The following CNBD1 variants were observed in gnomAD, a reference collection of about 807,000 sequenced individuals.
CNBD1 encodes cyclic nucleotide-binding domain-containing protein 1.
A neutral mutation model predicts 54.4 loss-of-function variants in CNBD1; 71 were observed. The observed-to-expected ratio is 1.30, with a 90% CI of 1.08 to 1.59. CNBD1 has a LOEUF of 1.59. Ranked by LOEUF, CNBD1 falls within the 40% of genes most tolerant of loss-of-function variation. The pLI, the probability that CNBD1 is intolerant of heterozygous loss-of-function variation, is 0.00. For synonymous variants in CNBD1, 182 were observed against 170.7 expected (o/e 1.07, Z -0.51); for missense variants, 659 against 518.0 (o/e 1.27, Z -2.64).
At chr8:86,946,102 C>T (rs1807460114) in intron 4 of CNBD1, among the ~76,000 whole-genome samples, 1 of 152,170 alleles carries the variant, frequency 6.6e-6, no homozygotes, top group Non-Finnish European at 1.5e-5. Flanking sequence ...TCAATCTCCC[C>T]TCTCCCAAAG....
chr8:86,955,597 T>G (rs1284159347), intron 4 of CNBD1, among the ~76,000 whole-genome samples: 1 of 151,790 alleles, frequency 6.6e-6, no homozygotes, highest in Non-Finnish European at 1.5e-5. Flanking sequence ...TGATGAGCAG[T>G]TTTTCATATG....
intron 4 of CNBD1, among the ~76,000 whole-genome samples, chr8:87,090,766 CAT>C (rs1811188768): frequency 6.6e-6 from 1 of 152,028 alleles, no homozygotes; most frequent in Non-Finnish European, 1.5e-5. Context: ...TAAATGGAAA[CAT>C]TGTAATATTA....
intron 6 of CNBD1, among the ~76,000 whole-genome samples, chr8:87,268,330 C>T (rs1254304984): frequency 2.0e-5 from 3 of 152,232 alleles, no homozygotes; most frequent in Middle Eastern, 3.4e-3. Flanking sequence ...ATATGTACCA[C>T]ATTTTCTTTA....
intron 8 of CNBD1, among the ~76,000 whole-genome samples, chr8:87,342,096 AC>A (rs1174932891): frequency 3.3e-5 from 5 of 152,038 alleles, no homozygotes; most frequent in Admixed American, 3.3e-4. Context: ...ACACGGCGAA[AC>A]CCTGTTTCTA....
chr8:87,233,612 A>T (rs937334139), intron 5 of CNBD1, among the ~76,000 whole-genome samples: 1 of 152,086 alleles, frequency 6.6e-6, no homozygotes, highest in Non-Finnish European at 1.5e-5. Context: ...GGTGCTGAAG[A>T]TATGGGTGGT....
intron 6 of CNBD1, among the ~76,000 whole-genome samples, chr8:87,267,265 A>G (rs1320947610): frequency 6.6e-6 from 1 of 152,230 alleles, no homozygotes; most frequent in Admixed American, 6.5e-5. Context: ...TTAGCAATCA[A>G]GGAAATGTAC....
chr8:87,268,018 G>A (rs571930671), intron 6 of CNBD1, among the ~76,000 whole-genome samples: 5 of 152,154 alleles, frequency 3.3e-5, no homozygotes, highest in South Asian at 2.1e-4. Context: ...GGCAAATTGC[G>A]TGTTGCTGAG....
chr8:87,263,434 T>G (rs1216376157), intron 6 of CNBD1, among the ~76,000 whole-genome samples: 1 of 152,182 alleles, frequency 6.6e-6, no homozygotes, highest in Non-Finnish European at 1.5e-5. Context: ...AATCAGGACA[T>G]GCTGGCTGGC....
chr8:86,930,487 T>G (rs1005907030), intron 3 of CNBD1, among the ~76,000 whole-genome samples: 1 of 152,170 alleles, frequency 6.6e-6, no homozygotes. Flanking sequence ...AGATGAGGGC[T>G]ATCCCTAAAT....
rs1180673986 is a variant in CNBD1 at position 87,202,412 on chromosome 8, G to A, written c.432-3581G>A. 6.6e-5 allele frequency among the ~76,000 whole-genome samples: 10 copies of A among 152,246 alleles called. No homozygotes were observed. In the East Asian group the frequency reaches 1.7e-3, roughly 27 times the overall value. ...ACATTGTCAGGAACTTAGAAGAGCT[G>A]GAGAGAGAGAACGTGGAGCAGCAAG... On this transcript the variant is annotated intron_variant, in intron 4 of 10. Coordinates refer to ENST00000518476, the MANE Select transcript of CNBD1 (RefSeq NM_173538.3).
intron 4 of CNBD1, among the ~76,000 whole-genome samples, chr8:87,106,421 G>A (rs1424662289): frequency 6.6e-6 from 1 of 152,108 alleles, no homozygotes; most frequent in East Asian, 1.9e-4. Context: ...AAGCAGGACA[G>A]GCTGGTCTAG....
At chr8:87,388,268 G>C (rs1340568463) in intron 2 of CNBD1, among the ~76,000 whole-genome samples, 1 of 152,060 alleles carries the variant, frequency 6.6e-6, no homozygotes, top group Non-Finnish European at 1.5e-5. Context: ...CAGAACTGAA[G>C]GAATTAGAGA....
chr8:87,076,076 C>T (rs956478765), intron 4 of CNBD1, among the ~76,000 whole-genome samples: 5 of 152,100 alleles, frequency 3.3e-5, no homozygotes, highest in African/African-American at 1.2e-4. Flanking sequence ...AATTATGTTT[C>T]TGAAATAGTG....
chr8:87,137,217 T>G (rs1157301891), intron 4 of CNBD1, among the ~76,000 whole-genome samples: 1 of 145,852 alleles, frequency 6.9e-6, no homozygotes, highest in Admixed American at 7.0e-5. Context: ...TATATTTATA[T>G]TCTATATAAA....
At chr8:87,193,692 T>G (rs916274006) in intron 4 of CNBD1, among the ~76,000 whole-genome samples, 4 of 152,208 alleles carry the variant, frequency 2.6e-5, no homozygotes, top group African/African-American at 9.6e-5. Flanking sequence ...TTTTTTCTTT[T>G]ATATTTGTCT....
chr8:86,922,791 G>A (rs1453835296), intron 3 of CNBD1, among the ~76,000 whole-genome samples: 1 of 152,132 alleles, frequency 6.6e-6, no homozygotes, highest in African/African-American at 2.4e-5. Context: ...GAGAAGGGGT[G>A]AATTGCTCTG....
intron 4 of CNBD1, among the ~76,000 whole-genome samples, chr8:87,052,749 A>G (rs1455543410): frequency 6.6e-6 from 1 of 152,172 alleles, no homozygotes; most frequent in Non-Finnish European, 1.5e-5. Context: ...CACAGCAGTC[A>G]GGGTTTGGAT....
intron 4 of CNBD1, among the ~76,000 whole-genome samples, chr8:87,050,521 G>C (rs1050600318): frequency 6.6e-6 from 1 of 152,192 alleles, no homozygotes; most frequent in Non-Finnish European, 1.5e-5. Context: ...AAACAAGTGA[G>C]GGCTGTCTCA....
At chr8:87,145,677 G>A (rs1418368083) in intron 4 of CNBD1, among the ~76,000 whole-genome samples, 1 of 152,124 alleles carries the variant, frequency 6.6e-6, no homozygotes, top group African/African-American at 2.4e-5. Context: ...TTTGTGAGAG[G>A]GTTTATAATC....
Sources: allele counts gnomAD v4.1 joint callset (sites outside exome capture counted in the v4.1 genomes callset), GRCh38; gene constraint gnomAD v4.1.1; transcripts MANE v1.5; gene names NCBI Gene and HGNC (gene_info 2026-07-23, HGNC 2026-07-21).